HNRNPR: variants seen among roughly 807,000 people sequenced by gnomAD.
HNRNPR encodes heterogeneous nuclear ribonucleoprotein R.
HNRNPR carries 4 observed loss-of-function variants against 70.3 expected under a neutral mutation model. That is an observed-to-expected ratio of 0.06 (90% CI 0.03 to 0.13). The LOEUF (loss-of-function observed/expected upper bound fraction) is 0.13, where lower values mean the gene tolerates loss of function less well. Among genes scored for constraint, HNRNPR ranks in the 10% least tolerant of loss-of-function variants. The pLI, the probability that HNRNPR is intolerant of heterozygous loss-of-function variation, is 1.00. For missense variants in HNRNPR, 423 were observed against 788.5 expected (o/e 0.54, Z 5.55); for synonymous variants, 241 against 267.6 (o/e 0.90, Z 0.97).
chr1:23,329,756 T>C (rs1225815689), intron 5 of HNRNPR, among the ~76,000 whole-genome samples: 1 of 152,198 alleles, frequency 6.6e-6, no homozygotes, highest in Non-Finnish European at 1.5e-5. Context: ...GCCTCCCAAG[T>C]AGCTAGGGCC....
chr1:23,316,683 T>TA (rs1201676677), intron 8 of HNRNPR, among the ~76,000 whole-genome samples: 2 of 152,200 alleles, frequency 1.3e-5, no homozygotes, highest in African/African-American at 2.4e-5. Flanking sequence ...TGGTGGATCT[T>TA]AGAGATTGAT....
At chr1:23,315,051 G>A (rs563701737) in intron 8 of HNRNPR, among the ~76,000 whole-genome samples, 3 of 152,188 alleles carry the variant, frequency 2.0e-5, no homozygotes, top group Admixed American at 2.0e-4. Context: ...AGGCCGAGGT[G>A]GGCAGATCAC....
intron 8 of HNRNPR, among the ~76,000 whole-genome samples, chr1:23,317,162 G>A (rs1286104709): frequency 6.6e-6 from 1 of 152,088 alleles, no homozygotes; most frequent in Non-Finnish European, 1.5e-5. Flanking sequence ...GCAAGCAGCA[G>A]AAATGCAACT....
intron 4 of HNRNPR, among the ~76,000 whole-genome samples, chr1:23,334,916 T>G (rs145692791): frequency 7.2e-5 from 11 of 151,870 alleles, no homozygotes; most frequent in African/African-American, 2.7e-4. Flanking sequence ...ACACTTCAGT[T>G]TTTTTGGTTT....
chr1:23,340,764 G>T, intron 2 of HNRNPR, 88 bp downstream of exon 2: 1 of 1,051,456 alleles, frequency 9.5e-7, no homozygotes, highest in Non-Finnish European at 1.4e-6. Flanking sequence ...GAAACAATAA[G>T]TATTATTTAA....
chr1:23,311,106 G>C, intron 10 of HNRNPR, 40 bp from the exon 11 acceptor site: 1 of 1,608,670 alleles, frequency 6.2e-7, no homozygotes, highest in South Asian at 1.1e-5. Context: ...AAACAAATCA[G>C]TTTGCTTCAA....
At position 23,328,795 on chromosome 1, in the gene HNRNPR, C is replaced by T. The variant is rs954292471; in HGVS notation, c.498+4723G>A. Among the ~76,000 whole-genome samples, 20 of 152,236 alleles carry T rather than the reference C, an allele frequency of 1.3e-4. 1 individual carries two copies. The highest frequency in any genetic ancestry group is 6.8e-3 in the Middle Eastern group (2 of 294). On this transcript the variant is annotated intron_variant, in intron 5 of 10. Coordinates refer to ENST00000302271, the MANE Select transcript of HNRNPR (RefSeq NM_005826.5). ...GATTACAGGCGTGAGCCACCGCACC[C>T]GGCCAAGTTTCTTAAGCAATGAGTC...
At chr1:23,340,697 C>T (rs1239732783) in intron 2 of HNRNPR, among the ~76,000 whole-genome samples, 155 bp downstream of exon 2, 1 of 152,160 alleles carries the variant, frequency 6.6e-6, no homozygotes, top group African/African-American at 2.4e-5. Context: ...GTATCAAAGT[C>T]AAACCCAATA....
chr1:23,321,438 T>C lies in HNRNPR; in HGVS notation c.811+90A>G, dbSNP rs574011968. ...ATACTTCAGACCTGAATTCTTAATT[T>C]AATACATACAACCCCTCAGTTTTTT... On this transcript the variant is annotated intron_variant, in intron 7 of 10. Transcript: ENST00000302271. 270 of 1,079,386 alleles carry C rather than the reference T, an allele frequency of 2.5e-4. 1 individual carries two copies. The South Asian group carries it at 2.6e-3, about 10-fold the overall frequency. 66.9% of individuals were successfully genotyped at this position (1,079,386 alleles called of 1,614,324 possible).
At chr1:23,333,366 T>C (rs1646323560) in intron 5 of HNRNPR, 152 bp downstream of exon 5, 8 of 563,068 alleles carry the variant, frequency 1.4e-5, no homozygotes, top group South Asian at 9.5e-5. Context: ...ATCCTCATGA[T>C]GGCAGCAAAA....
At chr1:23,336,396 T>G (rs1283851994) in intron 4 of HNRNPR, among the ~76,000 whole-genome samples, 1 of 150,686 alleles carries the variant, frequency 6.6e-6, no homozygotes, top group Non-Finnish European at 1.5e-5. Flanking sequence ...AAACCCTGTC[T>G]CTACTAAAAA....
At chr1:23,320,525 G>A (rs72881164) in intron 7 of HNRNPR, among the ~76,000 whole-genome samples, 144 of 152,294 alleles carry the variant, frequency 9.5e-4, no homozygotes, top group African/African-American at 3.3e-3. Context: ...GGAAGACAGT[G>A]AGCCAGAAGC....
chr1:23,336,599 A>T (rs1451304024), intron 4 of HNRNPR, among the ~76,000 whole-genome samples: 3 of 131,056 alleles, frequency 2.3e-5, no homozygotes, highest in Non-Finnish European at 4.7e-5. Context: ...AAAAAAAAAA[A>T]ATTAGCTGGA....
intron 1 of HNRNPR, among the ~76,000 whole-genome samples, chr1:23,341,667 T>C (rs964321334): frequency 1.3e-5 from 2 of 152,166 alleles, no homozygotes; most frequent in Non-Finnish European, 2.9e-5. Flanking sequence ...AGCGAAACAA[T>C]TGTTTTCAGT....
chr1:23,332,653 T>G (rs535685237), intron 5 of HNRNPR, among the ~76,000 whole-genome samples: 2 of 147,860 alleles, frequency 1.4e-5, no homozygotes, highest in Non-Finnish European at 3.0e-5. Context: ...TGAGCCGAGA[T>G]TGCACCATTG....
intron 5 of HNRNPR, among the ~76,000 whole-genome samples, chr1:23,327,386 A>C (rs1646031308): frequency 1.3e-5 from 2 of 152,342 alleles, no homozygotes; most frequent in African/African-American, 4.8e-5. Context: ...TGAGAGAGAC[A>C]GACAAAAGTA....
At chr1:23,323,509 T>C (rs1241990805) in intron 6 of HNRNPR, 47 bp downstream of exon 6, 11 of 1,500,242 alleles carry the variant, frequency 7.3e-6, no homozygotes, top group African/African-American at 1.4e-5. Flanking sequence ...TTAAAGTTTA[T>C]TTCCTCAAAT....
Position 23,340,833 on chromosome 1 carries a change from C to T in HNRNPR, c.157+19G>A. ...CCTCACTTTCATAACCAGTCAGAAACAAGAAATGCATATTATACCTGTCTG... is the reference window on the plus strand; with the variant it reads ...CCTCACTTTCATAACCAGTCAGAAATAAGAAATGCATATTATACCTGTCTG... On this transcript the variant is annotated intron_variant, in intron 2 of 10. Transcript: ENST00000302271. The T allele has an allele frequency of 6.3e-7, 1 of 1,584,638 alleles. No homozygotes were observed. The highest frequency in any genetic ancestry group is 8.6e-7 in the Non-Finnish European group (1 of 1,166,800).
chr1:23,323,092 G>A (rs1054125517), intron 6 of HNRNPR, among the ~76,000 whole-genome samples: 8 of 152,122 alleles, frequency 5.3e-5, no homozygotes, highest in African/African-American at 1.7e-4. Flanking sequence ...GAAATAAATC[G>A]TATGAGTAGG....
Sources: gnomAD v4.1 joint callset for allele counts (sites outside exome capture counted in the v4.1 genomes callset) on GRCh38, gnomAD v4.1.1 for gene constraint, MANE v1.5 for transcripts, NCBI Gene and HGNC (gene_info 2026-07-23, HGNC 2026-07-21) for gene names.